SBF2: variants seen among roughly 807,000 people sequenced by gnomAD.
SBF2 encodes myotubularin-related protein 13.
SBF2 carries 112 observed loss-of-function variants against 225.2 expected under a neutral mutation model. That is an observed-to-expected ratio of 0.50 (90% confidence interval 0.43 to 0.58). SBF2 has a LOEUF of 0.58. Among genes scored for constraint, SBF2 ranks in the 20% least tolerant of loss-of-function variants. The probability of loss-of-function intolerance (pLI) is 0.00; values close to 1 mark genes in which losing one functional copy is unlikely to be tolerated. For synonymous variants in SBF2, 763 were observed against 773.3 expected (o/e 0.99, Z 0.22); for missense variants, 1,996 against 2,206.2 (o/e 0.90, Z 1.91).
chr11:10,116,622 T>C (rs1171995471), intron 2 of SBF2, among the ~76,000 whole-genome samples: 1 of 152,216 alleles, frequency 6.6e-6, no homozygotes, highest in Non-Finnish European at 1.5e-5. Flanking sequence ...GGCCCTCTAT[T>C]ACCTGGCTTC....
chr11:10,297,753 GT>G (rs1427056276), upstream of SBF2, among the ~76,000 whole-genome samples: 4 of 152,188 alleles, frequency 2.6e-5, no homozygotes, highest in Non-Finnish European at 4.4e-5. Context: ...TGCCCATTTT[GT>G]CACACAGAGA....
At position 9,936,997 on chromosome 11, in the gene SBF2, A is replaced by G. The variant is rs532107858; in HGVS notation, c.1860+24960T>C. On this transcript the variant is annotated intron_variant, in intron 16 of 39. Transcript: ENST00000256190. Reference sequence around the variant, plus strand: ...TCTCTTAAAGGTCCCACCTCCCAACACCAACACATCAGGGGCCAAATTTCT... The same window carrying G: ...TCTCTTAAAGGTCCCACCTCCCAACGCCAACACATCAGGGGCCAAATTTCT... Among the ~76,000 whole-genome samples the G allele has an allele frequency of 2.6e-5, 4 of 152,240 alleles. No homozygotes were observed. The South Asian group carries it at 8.3e-4, about 32-fold the overall frequency.
At chr11:9,929,565 C>G (rs933672345) in intron 16 of SBF2, among the ~76,000 whole-genome samples, 1 of 152,122 alleles carries the variant, frequency 6.6e-6, no homozygotes, top group African/African-American at 2.4e-5. Flanking sequence ...GTTGGCAAAT[C>G]GATGAGATAA....
At chr11:10,222,606 A>G (rs1359995022) in intron 1 of SBF2, among the ~76,000 whole-genome samples, 1 of 152,202 alleles carries the variant, frequency 6.6e-6, no homozygotes, top group African/African-American at 2.4e-5. Flanking sequence ...ATTGGGGGGA[A>G]AAAGGAACAG....
intron 1 of SBF2, among the ~76,000 whole-genome samples, chr11:10,278,423 T>C (rs182103296): frequency 3.0e-4 from 45 of 152,310 alleles, no homozygotes; most frequent in African/African-American, 4.8e-5. Flanking sequence ...AGCTCAGCAA[T>C]AATAGGATAT....
At chr11:9,913,096 C>A (rs2134193840) in intron 16 of SBF2, among the ~76,000 whole-genome samples, 1 of 152,222 alleles carries the variant, frequency 6.6e-6, no homozygotes, top group Non-Finnish European at 1.5e-5. Flanking sequence ...CCAGCCTGGG[C>A]AACATGGTGA....
At chr11:10,000,456 T>G (rs1001275031) in intron 8 of SBF2, among the ~76,000 whole-genome samples, 1 of 152,218 alleles carries the variant, frequency 6.6e-6, no homozygotes, top group Non-Finnish European at 1.5e-5. Flanking sequence ...TCTATTCATA[T>G]GGCATTAAGA....
chr11:10,198,939 C>T (rs1235833797), intron 1 of SBF2, among the ~76,000 whole-genome samples: 2 of 152,198 alleles, frequency 1.3e-5, no homozygotes, highest in East Asian at 3.8e-4. Flanking sequence ...TGGCTAATTT[C>T]ATCTATCCAA....
chr11:9,847,064 C>T lies in SBF2; in HGVS notation c.2826G>A (p.Val942=). 6.2e-7 allele frequency: 1 copy of T among 1,613,780 alleles called. No homozygotes were observed. Among genetic ancestry groups the T allele is most frequent in the Non-Finnish European group, 8.5e-7 (1 of 1,179,732 alleles). The change falls in exon 23 of 40, where the codon GTG becomes GTA. Residue 942 remains valine (V), a synonymous_variant. Coordinates refer to ENST00000256190, the MANE Select transcript of SBF2 (RefSeq NM_030962.4). ...TGATGGAGGCAATGGGAAAGCTCCG[C>T]ACAACTGTCTGCTCACCCACTGTAA... ...HDQLVGEQTV[V]RSFPIASITK... is the part of the protein sequence containing the mutation.
intron 16 of SBF2, among the ~76,000 whole-genome samples, chr11:9,914,103 A>G (rs1217142194): frequency 1.3e-5 from 2 of 152,270 alleles, no homozygotes; most frequent in Non-Finnish European, 2.9e-5. Context: ...AGAGACAGCA[A>G]GTATCAGAAA....
intron 16 of SBF2, among the ~76,000 whole-genome samples, chr11:9,950,447 C>T (rs1865793849): frequency 6.6e-6 from 1 of 152,108 alleles, no homozygotes; most frequent in Non-Finnish European, 1.5e-5. Context: ...ATGACTACTG[C>T]AGATAATAGG....
intron 22 of SBF2, among the ~76,000 whole-genome samples, chr11:9,849,181 A>G (rs1194094771): frequency 6.6e-6 from 1 of 151,474 alleles, no homozygotes; most frequent in Admixed American, 6.6e-5. Context: ...AGAAACTGGT[A>G]TTTTTTTTTA....
chr11:10,003,203 T>C (rs746723704), intron 6 of SBF2, among the ~76,000 whole-genome samples: 18 of 152,320 alleles, frequency 1.2e-4, no homozygotes, highest in Non-Finnish European at 2.1e-4. Flanking sequence ...AAATCTTAAA[T>C]TGAACATAAA....
chr11:10,231,188 G>T (rs1958826611), intron 1 of SBF2, among the ~76,000 whole-genome samples: 1 of 152,068 alleles, frequency 6.6e-6, no homozygotes, highest in Non-Finnish European at 1.5e-5. Context: ...TCTCAGTATT[G>T]GTTATTCTAG....
chr11:9,821,521 A>G (rs1854753299), intron 28 of SBF2, among the ~76,000 whole-genome samples: 1 of 152,222 alleles, frequency 6.6e-6, no homozygotes, highest in African/African-American at 2.4e-5. Flanking sequence ...CAAAGGAATT[A>G]GACTACCGCA....
intron 1 of SBF2, among the ~76,000 whole-genome samples, chr11:10,199,925 T>C (rs1332836404): frequency 6.6e-6 from 1 of 152,140 alleles, no homozygotes; most frequent in Non-Finnish European, 1.5e-5. Context: ...AAAATAGAAC[T>C]ATCATATGTT....
chr11:10,123,435 C>T (rs138284006), intron 2 of SBF2, among the ~76,000 whole-genome samples: 96 of 152,140 alleles, frequency 6.3e-4, no homozygotes, highest in African/African-American at 2.2e-3. Flanking sequence ...TCCCTGTTAT[C>T]TGGGTAGTTT....
chr11:9,839,994 G>A (rs984977712), intron 25 of SBF2, among the ~76,000 whole-genome samples: 6 of 152,330 alleles, frequency 3.9e-5, no homozygotes, highest in Admixed American at 3.3e-4. Flanking sequence ...CCCAGCACTG[G>A]GAGGCTGAGG....
At chr11:10,222,707 G>A (rs894944273) in intron 1 of SBF2, among the ~76,000 whole-genome samples, 3 of 152,126 alleles carry the variant, frequency 2.0e-5, no homozygotes, top group Admixed American at 6.6e-5. Flanking sequence ...AGAGAGCATC[G>A]GATATGTCTT....
Sources: allele counts gnomAD v4.1 joint callset (sites outside exome capture counted in the v4.1 genomes callset), GRCh38; gene constraint gnomAD v4.1.1; transcripts MANE v1.5; gene names NCBI Gene and HGNC (gene_info 2026-07-23, HGNC 2026-07-21).